The following IL4R variants were observed in gnomAD, a reference collection of about 807,000 sequenced individuals.
IL4R encodes the protein interleukin-4 receptor subunit alpha.
Under a neutral mutation model 41.5 loss-of-function variants are expected in IL4R, and 17 were observed. The observed-to-expected ratio is 0.41, with a 90% CI of 0.28 to 0.61. The LOEUF is 0.61. IL4R is among the 20% of genes least tolerant of loss of function. The pLI, the probability that IL4R is intolerant of heterozygous loss-of-function variation, is 0.31. For missense variants in IL4R, 974 were observed against 1,043.1 expected (o/e 0.93, Z 0.91); for synonymous variants, 402 against 422.9 (o/e 0.95, Z 0.61).
At chr16:27,338,294 T>C (rs1171645142) in intron 2 of IL4R, among the ~76,000 whole-genome samples, 1 of 151,970 alleles carries the variant, frequency 6.6e-6, no homozygotes, top group African/African-American at 2.4e-5. Context: ...CTTGGCTTAC[T>C]GCAGCCTTGA....
intron 1 of IL4R, among the ~76,000 whole-genome samples, chr16:27,329,676 CAA>C (rs11327523): frequency 3.4e-4 from 40 of 118,088 alleles, no homozygotes; most frequent in African/African-American, 6.8e-4. Context: ...ACCTCCGTCT[CAA>C]AAAAAAAAAA....
At chr16:27,313,800 C>G (rs1182435647), upstream of IL4R, 16 of 568,490 alleles carry the variant, frequency 2.8e-5, no homozygotes, top group Non-Finnish European at 3.6e-5. Context: ...GCGGCGGGGA[C>G]AGCGACAGGG....
At chr16:27,328,376 C>T (rs1307622089) in intron 1 of IL4R, among the ~76,000 whole-genome samples, 2 of 151,684 alleles carry the variant, frequency 1.3e-5, no homozygotes, top group Admixed American at 6.6e-5. Context: ...CTCAGCCTCC[C>T]GAGTAGCTGG....
intron 7 of IL4R, chr16:27,355,422 A>T: frequency 3.4e-6 from 1 of 291,680 alleles, no homozygotes. Flanking sequence ...TGCACGATCA[A>T]TTCTGTCATT....
chr16:27,344,740 TCTGTC>T, intron 4 of IL4R, 124 bp from the exon 5 acceptor site: 1 of 990,960 alleles, frequency 1.0e-6, no homozygotes. Context: ...AGCCCCCAGA[TCTGTC>T]CTCACATCCG....
chr16:27,344,741 C>T, intron 4 of IL4R, 128 bp from the exon 5 acceptor site: 2 of 994,772 alleles, frequency 2.0e-6, no homozygotes, highest in Non-Finnish European at 3.0e-6. Flanking sequence ...GCCCCCAGAT[C>T]TGTCCTCACA....
chr16:27,339,998 A>G (rs2085387534), intron 2 of IL4R, among the ~76,000 whole-genome samples, 188 bp from the exon 3 acceptor site: 1 of 152,148 alleles, frequency 6.6e-6, no homozygotes, highest in African/African-American at 2.4e-5. Flanking sequence ...TGGAGGTTGC[A>G]GTGAGCTGAG....
At chr16:27,330,631 A>G (rs2085088676) in intron 2 of IL4R, among the ~76,000 whole-genome samples, 1 of 152,110 alleles carries the variant, frequency 6.6e-6, no homozygotes, top group Non-Finnish European at 1.5e-5. Context: ...TTGTGTATGC[A>G]GCCAGGATCC....
In IL4R at chr16:27,363,558, A is replaced by T; in HGVS notation, c.2206A>T (p.Thr736Ser). ...QCHGQEDGGQTPVMASPCCGC... is the reference protein window; with the variant it reads ...QCHGQEDGGQSPVMASPCCGC... ...TCATGGCCAGGAGGATGGTGGCCAG[A>T]CCCCTGTCATGGCCAGTCCTTGCTG... The change falls in exon 11 of 11, where the codon ACC becomes TCC. Residue 736 changes from threonine (T) to serine (S), a missense_variant. Transcript: ENST00000395762. 1 of 1,613,966 alleles carries T rather than the reference A, an allele frequency of 6.2e-7. No individual in the cohort carries two copies. The highest frequency in any genetic ancestry group is 8.5e-7 in the Non-Finnish European group (1 of 1,179,980).
At chr16:27,361,701 C>G in intron 10 of IL4R, among the ~76,000 whole-genome samples, 1 of 149,428 alleles carries the variant, frequency 6.7e-6, no homozygotes, top group East Asian at 2.0e-4. Flanking sequence ...AACTCGTGGG[C>G]TCAAGTGATT....
At chr16:27,344,650 T>C (rs764657793) in intron 4 of IL4R, among the ~76,000 whole-genome samples, 71 of 152,322 alleles carry the variant, frequency 4.7e-4, no homozygotes, top group Non-Finnish European at 9.8e-4. Context: ...AGGAGCATCC[T>C]TGGTGCATGT....
At chr16:27,333,045 T>C (rs1266493680) in intron 2 of IL4R, among the ~76,000 whole-genome samples, 1 of 152,102 alleles carries the variant, frequency 6.6e-6, no homozygotes, top group Non-Finnish European at 1.5e-5. Context: ...GTGTGATTTC[T>C]AATGTTTTCA....
intron 4 of IL4R, 118 bp from the exon 5 acceptor site, chr16:27,344,751 A>G: frequency 9.2e-7 from 1 of 1,085,240 alleles, no homozygotes; most frequent in Admixed American, 2.2e-5. Flanking sequence ...CTGTCCTCAC[A>G]TCCGTGATCG....
At chr16:27,338,679 G>T (rs1378916166) in intron 2 of IL4R, among the ~76,000 whole-genome samples, 1 of 151,968 alleles carries the variant, frequency 6.6e-6, no homozygotes, top group Non-Finnish European at 1.5e-5. Context: ...TCATGAATGG[G>T]GTTAGTGCCC....
intron 9 of IL4R, chr16:27,359,974 ACCCGT>A: frequency 2.9e-6 from 1 of 347,702 alleles, no homozygotes; most frequent in South Asian, 2.1e-5. Flanking sequence ...AATTGAGCTG[ACCCGT>A]CCCCGTAGCC....
intron 1 of IL4R, among the ~76,000 whole-genome samples, chr16:27,321,901 A>G (rs184365949): frequency 6.6e-6 from 1 of 152,188 alleles, no homozygotes; most frequent in Non-Finnish European, 1.5e-5. Flanking sequence ...TTTGGTCATC[A>G]TGGTTGTTGT....
Position 27,363,133 on chromosome 16 carries a change from G to C in IL4R, c.1781G>C (p.Gly594Ala). ...QGGTQASAVV[G>A]LGPPGEAGYK... ...GGCACCCAGGCCAGTGCGGTGGTGG[G>C]CTTGGGTCCCCCAGGAGAGGCTGGT... is the stretch of plus-strand genomic sequence containing the variant. Residue 594 changes from glycine (G) to alanine (A), a missense_variant, in exon 11 of 11, where the codon GGC (glycine) becomes GCC (alanine). Physicochemically the swap from Gly to Ala is moderately conservative, Grantham distance 60. Around this residue, in one of 3 missense-constraint regions of IL4R, gnomAD observed 682 missense variants for 704.3 expected, o/e 0.97. Transcript: ENST00000395762. The C allele has an allele frequency of 1.2e-6, 2 of 1,613,820 alleles. No individual in the cohort carries two copies. The highest frequency in any genetic ancestry group is 1.7e-6 in the Non-Finnish European group (2 of 1,179,908).
chr16:27,363,373 C>A lies in IL4R; in HGVS notation c.2021C>A (p.Ser674Tyr). The change falls in exon 11 of 11, where the codon TCC becomes TAC. Residue 674 changes from serine to tyrosine, a missense_variant. Transcript: ENST00000395762. ...CAGAGCTCACATCTCCCAAGCAGCT[C>A]CCCAGAGCACCTGGGTCTGGAGCCG... ...SPQSSHLPSS[S>Y]PEHLGLEPGE... 3 of 1,614,114 alleles carry A rather than the reference C, an allele frequency of 1.9e-6. No homozygotes were observed. The highest frequency in any genetic ancestry group is 2.5e-6 in the Non-Finnish European group (3 of 1,180,002).
Position 27,342,222 on chromosome 16 carries a change from C to T in IL4R, c.172C>T (p.Leu58Phe). Residue 58 changes from leucine (L) to phenylalanine (F), a missense_variant, in exon 4 of 11, where the codon CTC (leucine) becomes TTC (phenylalanine). Leu to Phe is a conservative substitution (Grantham distance 22). This residue lies in a region of IL4R where 284 missense variants were observed against 313.4 expected (regional missense o/e 0.91). Transcript: ENST00000395762. The stretch of plus-strand genomic sequence containing the variant: ...TGGTCCCACCAATTGCAGCACCGAG[C>T]TCCGCCTGTTGTACCAGCTGGTTTT... ...MNGPTNCSTELRLLYQLVFLL... is the reference protein window; with the variant it reads ...MNGPTNCSTEFRLLYQLVFLL... The T allele has an allele frequency of 6.2e-7, 1 of 1,614,248 alleles. No homozygotes were observed. The highest frequency in any genetic ancestry group is 1.7e-5 in the Admixed American group (1 of 60,028).
Sources: gnomAD v4.1 joint callset for allele counts (sites outside exome capture counted in the v4.1 genomes callset) on GRCh38, gnomAD v4.1.1 for gene constraint, gnomAD v4.1.1 regional missense constraint, MANE v1.5 for transcripts, NCBI Gene and HGNC (gene_info 2026-07-23, HGNC 2026-07-21) for gene names.